Variants in PPFIA1 observed in about 807,000 individuals in gnomAD.
PPFIA1 encodes liprin-alpha-1.
In PPFIA1, 25 loss-of-function variants were observed where a neutral mutation model predicts 149.9. That is an observed-to-expected ratio of 0.17 (90% CI 0.12 to 0.23). The LOEUF (loss-of-function observed/expected upper bound fraction) is 0.23, where lower values mean the gene tolerates loss of function less well. Among genes scored for constraint, PPFIA1 ranks in the 10% least tolerant of loss-of-function variants. PPFIA1 has a pLI of 1.00. For synonymous variants in PPFIA1, 549 were observed against 552.8 expected (o/e 0.99, Z 0.10); for missense variants, 1,362 against 1,506.5 (o/e 0.90, Z 1.59).
At chr11:70,321,720 G>A (rs1033962667) in intron 2 of PPFIA1, among the ~76,000 whole-genome samples, 1 of 152,176 alleles carries the variant, frequency 6.6e-6, no homozygotes, top group Non-Finnish European at 1.5e-5. Flanking sequence ...GACAAAATTA[G>A]TGGATTGGCA....
intron 2 of PPFIA1, among the ~76,000 whole-genome samples, chr11:70,287,861 G>A (rs2051252825): frequency 6.6e-6 from 1 of 151,994 alleles, no homozygotes; most frequent in Non-Finnish European, 1.5e-5. Context: ...GCCCCAGGCT[G>A]GTCTTGAACT....
chr11:70,375,585 C>T lies in PPFIA1; in HGVS notation c.3315+492C>T, dbSNP rs140753564. ...GGCAGATTGCTTGAGTCCAGGAGTT[C>T]GAGACCAGCCTGGCCATCATGGTGA... On this transcript the variant is annotated intron_variant, in intron 24 of 27. Transcript: ENST00000253925. 4.0e-3 allele frequency: 610 copies of T among 152,118 alleles called. 1 individual carries two copies. Among genetic ancestry groups the T allele is most frequent in the Non-Finnish European group, 6.5e-3 (440 of 68,070 alleles). 9.4% of individuals were successfully genotyped at this position (152,118 alleles called of 1,614,324 possible). A position where few individuals can be genotyped will look rare whatever the true frequency, so the allele number is the denominator to read the frequency against.
Position 70,337,449 on chromosome 11 carries a change from C to T in PPFIA1, c.1491+22C>T, listed in dbSNP as rs1172341790. On this transcript the variant is annotated intron_variant, in intron 12 of 27. Transcript: ENST00000253925. Reference sequence around the variant, plus strand: ...TAAGGTACTGAAATCTTCTCTAAATCCATGAAGAGCCAAGTTGAACTGAGT... The same window carrying T: ...TAAGGTACTGAAATCTTCTCTAAATTCATGAAGAGCCAAGTTGAACTGAGT... The T allele has an allele frequency of 2.6e-6, 4 of 1,528,650 alleles. No individual in the cohort carries two copies. In the South Asian group the frequency reaches 3.6e-5, roughly 14 times the overall value. The allele number at this position is 1,528,650 out of a possible 1,614,324, so 94.7% of individuals were successfully genotyped here.
At chr11:70,317,684 A>G (rs1487520106) in intron 2 of PPFIA1, among the ~76,000 whole-genome samples, 1 of 152,112 alleles carries the variant, frequency 6.6e-6, no homozygotes, top group Non-Finnish European at 1.5e-5. Flanking sequence ...CGGAAGAGTG[A>G]CAGCGTGCTG....
At chr11:70,380,414 A>C (rs2057663818) in intron 26 of PPFIA1, among the ~76,000 whole-genome samples, 1 of 151,366 alleles carries the variant, frequency 6.6e-6, no homozygotes, top group Non-Finnish European at 1.5e-5. Flanking sequence ...AAAAATACAA[A>C]AAAAAAAAAA....
At chr11:70,327,124 T>C in intron 7 of PPFIA1, 1 of 288,684 alleles carries the variant, frequency 3.5e-6, no homozygotes, top group South Asian at 4.2e-5. Flanking sequence ...TATTCTTTAA[T>C]GTCCTTGTTT....
chr11:70,306,469 C>T (rs1385453066), intron 2 of PPFIA1, among the ~76,000 whole-genome samples: 1 of 151,842 alleles, frequency 6.6e-6, no homozygotes, highest in Non-Finnish European at 1.5e-5. Context: ...ATAAAAAAAC[C>T]CTACCTAAAC....
intron 2 of PPFIA1, among the ~76,000 whole-genome samples, chr11:70,279,905 A>ATTGTGTGTG (rs368563994): frequency 2.1e-5 from 3 of 144,862 alleles, no homozygotes; most frequent in African/African-American, 8.0e-5. Context: ...TGTGTGGGGG[A>ATTGTGTGTG]TGTGTGTGTG....
chr11:70,288,183 C>G (rs1373605772), intron 2 of PPFIA1, among the ~76,000 whole-genome samples: 1 of 151,628 alleles, frequency 6.6e-6, no homozygotes, highest in East Asian at 1.9e-4. Flanking sequence ...AAGCAGTTCT[C>G]TGCCTCAGCC....
At chr11:70,378,260 TTAA>T (rs2057566765) in intron 26 of PPFIA1, 65 bp downstream of exon 26, 2 of 1,554,076 alleles carry the variant, frequency 1.3e-6, no homozygotes, top group Admixed American at 1.9e-5. Flanking sequence ...GTCTGGAACA[TTAA>T]TAATGATCTA....
chr11:70,374,908 T>A lies in PPFIA1; in HGVS notation c.3140-10T>A, dbSNP rs1218290699. 6.2e-7 allele frequency: 1 copy of A among 1,609,670 alleles called. No homozygotes were observed. The highest frequency in any genetic ancestry group is 8.5e-7 in the Non-Finnish European group (1 of 1,178,560). On this transcript the variant is annotated splice_polypyrimidine_tract_variant and intron_variant, in intron 23 of 27. Transcript: ENST00000253925. ...AAGCCACTTTTATAATTGTCTTTAT[T>A]CTTTTGCAGACGTGCTTGTTTGGAG...
intron 2 of PPFIA1, among the ~76,000 whole-genome samples, chr11:70,304,616 T>C (rs2052719948): frequency 6.6e-6 from 1 of 152,182 alleles, no homozygotes. Flanking sequence ...GGTCACAACC[T>C]GGGACTTGTA....
At chr11:70,310,694 T>A (rs2053207655) in intron 2 of PPFIA1, among the ~76,000 whole-genome samples, 1 of 152,166 alleles carries the variant, frequency 6.6e-6, no homozygotes, top group African/African-American at 2.4e-5. Context: ...CCATGTACTT[T>A]TCTAAAAGCA....
At position 70,324,529 on chromosome 11, in the gene PPFIA1, C is replaced by T. The variant is rs756846874; in HGVS notation, c.366+26C>T. ...GTGAGTGTGACCTTTCTGTTCACTG[C>T]CTGCCCCTGGAGCCACTGTCAGGAG... On this transcript the variant is annotated intron_variant, in intron 3 of 27. Coordinates refer to ENST00000253925, the MANE Select transcript of PPFIA1 (RefSeq NM_003626.5). The T allele has an allele frequency of 1.1e-5, 17 of 1,551,466 alleles. No individual in the cohort carries two copies. The East Asian group carries it at 1.1e-4, about 10-fold the overall frequency.
At chr11:70,344,441 G>A (rs762204948) in intron 15 of PPFIA1, among the ~76,000 whole-genome samples, 4 of 152,196 alleles carry the variant, frequency 2.6e-5, no homozygotes, top group Non-Finnish European at 5.9e-5. Context: ...CGGAGCGGGC[G>A]CATATGGTGG....
chr11:70,370,639 C>T (rs1051306795), intron 21 of PPFIA1, among the ~76,000 whole-genome samples: 7 of 152,040 alleles, frequency 4.6e-5, no homozygotes, highest in African/African-American at 1.4e-4. Flanking sequence ...CCGCCTGCCT[C>T]GGCCTCCCAG....
chr11:70,319,473 C>T (rs1357685072), intron 2 of PPFIA1, among the ~76,000 whole-genome samples: 1 of 152,174 alleles, frequency 6.6e-6, no homozygotes, highest in Non-Finnish European at 1.5e-5. Flanking sequence ...AGTTCAGATC[C>T]TCATTAATCC....
At chr11:70,318,392 C>G (rs1013556810) in intron 2 of PPFIA1, among the ~76,000 whole-genome samples, 4 of 152,216 alleles carry the variant, frequency 2.6e-5, no homozygotes, top group Non-Finnish European at 5.9e-5. Context: ...TTTCCCTTTA[C>G]TGCGGGTGAT....
chr11:70,330,148 G>A, intron 7 of PPFIA1, 25 bp from the exon 8 acceptor site: 2 of 1,546,768 alleles, frequency 1.3e-6, no homozygotes, highest in Non-Finnish European at 1.7e-6. Flanking sequence ...CTACTTTTTT[G>A]TCCCCTCTGA....
Sources: gnomAD v4.1 joint callset for allele counts (sites outside exome capture counted in the v4.1 genomes callset) on GRCh38, gnomAD v4.1.1 for gene constraint, MANE v1.5 for transcripts, NCBI Gene and HGNC (gene_info 2026-07-23, HGNC 2026-07-21) for gene names.